The following CNTNAP4 variants were observed in gnomAD, a reference collection of about 807,000 sequenced individuals.
The protein encoded by CNTNAP4 is contactin associated protein family member 4, also known as contactin-associated protein-like 4.
CNTNAP4 carries 98 observed loss-of-function variants against 148.4 expected under a neutral mutation model. The ratio of observed to expected loss-of-function variants is 0.66; its 90% CI spans 0.56 to 0.78. CNTNAP4 has a LOEUF of 0.78. CNTNAP4 is among the 30% of genes least tolerant of loss of function. CNTNAP4 has a pLI of 0.00. For missense variants in CNTNAP4, 1,935 were observed against 1,565.6 expected (o/e 1.24, Z -3.98); for synonymous variants, 730 against 565.1 (o/e 1.29, Z -4.14).
chr16:76,502,932 G>A (rs1285472036), intron 15 of CNTNAP4, among the ~76,000 whole-genome samples: 1 of 152,060 alleles, frequency 6.6e-6, no homozygotes, highest in Non-Finnish European at 1.5e-5. Flanking sequence ...TGGGAAAGCA[G>A]GACAAATAAA....
At chr16:76,380,769 A>G (rs531714017) in intron 3 of CNTNAP4, among the ~76,000 whole-genome samples, 4 of 152,294 alleles carry the variant, frequency 2.6e-5, no homozygotes, top group South Asian at 4.1e-4. Context: ...AAATATTTAA[A>G]GGTTGTGATT....
At position 76,452,757 on chromosome 16, in the gene CNTNAP4, G is replaced by T; in HGVS notation, c.1321G>T (p.Asp441Tyr). 6.3e-7 allele frequency: 1 copy of T among 1,589,972 alleles called. No homozygotes were observed. The highest frequency in any genetic ancestry group is 8.6e-7 in the Non-Finnish European group (1 of 1,167,078). The change falls in exon 8 of 24, where the codon GAC (aspartate) becomes TAC (tyrosine). Residue 441 changes from aspartate to tyrosine, a missense_variant. Coordinates refer to ENST00000611870, the MANE Select transcript of CNTNAP4 (RefSeq NM_033401.5). ...CTACCAGCCAGGAAAATTACCCAGT[G>T]ACATCACAGCAGGTAATAAATGTAT... is the stretch of plus-strand genomic sequence containing the variant. ...NLYQPGKLPSDITAGVELNDG... is the reference protein window; with the variant it reads ...NLYQPGKLPSYITAGVELNDG...
intron 7 of CNTNAP4, among the ~76,000 whole-genome samples, chr16:76,450,410 A>G (rs1010635173): frequency 1.3e-5 from 2 of 152,284 alleles, no homozygotes; most frequent in Admixed American, 6.5e-5. Flanking sequence ...TCAGCCTCCC[A>G]AAGTGCTGGG....
chr16:76,361,670 A>G (rs117057464), intron 3 of CNTNAP4, among the ~76,000 whole-genome samples: 483 of 152,324 alleles, frequency 3.2e-3, no homozygotes, highest in Non-Finnish European at 5.8e-3. Context: ...TTTTGGATAA[A>G]TACCTGGGAT....
At chr16:76,417,798 T>G (rs2079041331) in intron 3 of CNTNAP4, among the ~76,000 whole-genome samples, 1 of 151,700 alleles carries the variant, frequency 6.6e-6, no homozygotes, top group Non-Finnish European at 1.5e-5. Context: ...TCTCGATGCA[T>G]TCCCTCAGTT....
intron 20 of CNTNAP4, among the ~76,000 whole-genome samples, chr16:76,540,335 A>T (rs2084394664): frequency 6.6e-6 from 1 of 152,088 alleles, no homozygotes. Flanking sequence ...CTCAAATAAA[A>T]ATACCAAGTA....
intron 3 of CNTNAP4, among the ~76,000 whole-genome samples, chr16:76,384,645 C>G (rs1035124293): frequency 4.6e-5 from 7 of 152,228 alleles, no homozygotes; most frequent in Admixed American, 3.9e-4. Context: ...CCGCGCTCCT[C>G]TCTCAGGAAC....
chr16:76,386,254 A>G (rs2016505206), intron 3 of CNTNAP4, among the ~76,000 whole-genome samples: 1 of 152,228 alleles, frequency 6.6e-6, no homozygotes, highest in South Asian at 2.1e-4. Flanking sequence ...TGGGTATAGT[A>G]TAGCTCTATT....
chr16:76,358,731 A>G (rs2013025986), intron 3 of CNTNAP4, among the ~76,000 whole-genome samples: 1 of 152,230 alleles, frequency 6.6e-6, no homozygotes, highest in African/African-American at 2.4e-5. Flanking sequence ...AGATAACTTT[A>G]AATGTCAAGA....
intron 1 of CNTNAP4, among the ~76,000 whole-genome samples, chr16:76,300,077 C>T (rs191857121): frequency 2.6e-4 from 40 of 152,074 alleles, no homozygotes; most frequent in East Asian, 2.3e-3. Context: ...CACACCAACA[C>T]GGCGCATGTA....
intron 1 of CNTNAP4, chr16:76,316,145 G>T: frequency 1.9e-6 from 1 of 526,656 alleles, no homozygotes; most frequent in Non-Finnish European, 3.3e-6. Flanking sequence ...TTTATAATGA[G>T]GTATAATCTT....
At chr16:76,331,163 C>G (rs1041296896) in intron 2 of CNTNAP4, among the ~76,000 whole-genome samples, 3 of 151,018 alleles carry the variant, frequency 2.0e-5, no homozygotes, top group Non-Finnish European at 3.0e-5. Context: ...ATTCCATTCT[C>G]ATTCTTTTTT....
chr16:76,394,082 A>G (rs769922843), intron 3 of CNTNAP4, among the ~76,000 whole-genome samples: 6 of 152,332 alleles, frequency 3.9e-5, no homozygotes, highest in African/African-American at 1.2e-4. Flanking sequence ...CCTACTTATT[A>G]TGGCAAGCTC....
At chr16:76,403,213 C>G (rs1393105795) in intron 3 of CNTNAP4, among the ~76,000 whole-genome samples, 2 of 151,992 alleles carry the variant, frequency 1.3e-5, no homozygotes, top group Non-Finnish European at 2.9e-5. Flanking sequence ...CTGCCTCAGC[C>G]TCCTGAGTAG....
At chr16:76,360,276 C>T (rs1478193949) in intron 3 of CNTNAP4, among the ~76,000 whole-genome samples, 1 of 152,106 alleles carries the variant, frequency 6.6e-6, no homozygotes, top group Non-Finnish European at 1.5e-5. Context: ...AATATTCAGG[C>T]CATTATTATC....
In CNTNAP4 at chr16:76,540,714, TAGA is replaced by T. The variant is rs1162025162; in HGVS notation, c.3369_3371del (p.Arg1125del). 1.9e-6 allele frequency: 3 copies of T among 1,567,724 alleles called. No homozygotes were observed. Among genetic ancestry groups the T allele is most frequent in the East Asian group, 4.6e-5 (2 of 43,026 alleles). On this transcript the variant is annotated inframe_deletion, in exon 21 of 24. Transcript: ENST00000611870. Reference sequence around the variant, plus strand: ...TAATAATTTTGTAGATTGACGATAATAGAAGGAGACAAGTTCACCTGTCATCAG... The same window carrying T: ...TAATAATTTTGTAGATTGACGATAATAGGAGACAAGTTCACCTGTCATCAG...
At chr16:76,457,826 G>T (rs2080792678) in intron 8 of CNTNAP4, among the ~76,000 whole-genome samples, 2 of 151,654 alleles carry the variant, frequency 1.3e-5, no homozygotes, top group African/African-American at 2.4e-5. Flanking sequence ...TAGATTTGGG[G>T]GTACAAGTGC....
Position 76,448,942 on chromosome 16 carries a change from T to C in CNTNAP4, c.918T>C (p.Leu306=), listed in dbSNP as rs756821946. The part of the protein sequence containing the change: ...HARGEFNLMN[L]DYEISFGGIP... The stretch of plus-strand genomic sequence containing the variant: ...GGGGAGAATTCAATCTCATGAATCT[T>C]GATTATGAGGTGTGATGGTTATGTT... Residue 306 remains leucine (L), a synonymous_variant, in exon 6 of 24, where the codon CTT becomes CTC. Transcript: ENST00000611870. 5 of 1,612,186 alleles carry C rather than the reference T, an allele frequency of 3.1e-6. No individual in the cohort carries two copies. The South Asian group carries it at 5.5e-5, about 18-fold the overall frequency.
At chr16:76,403,200 C>A (rs2078481031) in intron 3 of CNTNAP4, among the ~76,000 whole-genome samples, 1 of 151,744 alleles carries the variant, frequency 6.6e-6, no homozygotes. Flanking sequence ...TCACACCATT[C>A]TCCTGCCTCA....
Sources: allele counts gnomAD v4.1 joint callset (sites outside exome capture counted in the v4.1 genomes callset), GRCh38; gene constraint gnomAD v4.1.1; transcripts MANE v1.5; gene names NCBI Gene and HGNC (gene_info 2026-07-23, HGNC 2026-07-21).